Variants in PDIA4 observed in about 807,000 individuals in gnomAD.
PDIA4 encodes the protein protein disulfide isomerase family A member 4.
A neutral mutation model predicts 62.1 loss-of-function variants in PDIA4; 33 were observed. The ratio of observed to expected loss-of-function variants is 0.53; its 90% confidence interval spans 0.40 to 0.71. The LOEUF is 0.71. PDIA4 is among the 30% of genes least tolerant of loss of function. The probability of loss-of-function intolerance (pLI) is 0.00; values close to 1 mark genes in which losing one functional copy is unlikely to be tolerated. For synonymous variants in PDIA4, 341 were observed against 324.1 expected (o/e 1.05, Z -0.56); for missense variants, 804 against 813.6 (o/e 0.99, Z 0.14).
At chr7:149,004,466 C>T (rs74616250) in intron 9 of PDIA4, among the ~76,000 whole-genome samples, 3,032 of 152,368 alleles carry the variant, frequency 0.02, 102 homozygotes, top group African/African-American at 0.067. Flanking sequence ...ACAAGAGTCA[C>T]TGCCCAGGCA....
chr7:149,027,822 G>A, intron 1 of PDIA4: 1 of 471,390 alleles, frequency 2.1e-6, no homozygotes, highest in South Asian at 1.5e-5. Context: ...CAGAATCTAT[G>A]GATTAATCAT....
At chr7:149,024,563 G>T (rs537698626) in intron 1 of PDIA4, among the ~76,000 whole-genome samples, 7 of 152,060 alleles carry the variant, frequency 4.6e-5, no homozygotes, top group African/African-American at 1.7e-4. Flanking sequence ...TGTAATCCAC[G>T]TGCTCCTCTG....
chr7:149,008,371 T>A (rs1823832040), intron 6 of PDIA4, 61 bp from the exon 7 acceptor site: 1 of 1,523,410 alleles, frequency 6.6e-7, no homozygotes, highest in Non-Finnish European at 9.0e-7. Context: ...GAGATTTAAT[T>A]CGTTACCCAC....
chr7:149,017,016 C>T (rs996338444), intron 3 of PDIA4, among the ~76,000 whole-genome samples: 1 of 152,198 alleles, frequency 6.6e-6, no homozygotes, highest in African/African-American at 2.4e-5. Context: ...GAGAGCCTCT[C>T]ACACCACCTC....
rs1478718426 is a variant in PDIA4 at position 149,004,310 on chromosome 7, G to A, written c.1523-101C>T. The A allele has an allele frequency of 3.6e-6, 4 of 1,097,112 alleles. No individual in the cohort carries two copies. In the Admixed American group the frequency reaches 6.5e-5, roughly 18 times the overall value. The allele number at this position is 1,097,112 out of a possible 1,614,324, so 68.0% of individuals were successfully genotyped here. A position where few individuals can be genotyped will look rare whatever the true frequency, so the allele number is the denominator to read the frequency against. ...GGCAGTGAGGTTGGTGTGGCCACCA[G>A]ACGGGCCAGTCACACAGGAAGAGCC... On this transcript the variant is annotated intron_variant, in intron 9 of 9. Coordinates refer to ENST00000652332, the MANE Select transcript of PDIA4 (RefSeq NM_004911.5).
At chr7:149,027,380 T>C (rs1020896539) in intron 1 of PDIA4, among the ~76,000 whole-genome samples, 1 of 152,128 alleles carries the variant, frequency 6.6e-6, no homozygotes, top group Non-Finnish European at 1.5e-5. Context: ...ACGCAGAAGT[T>C]ACTCAATCTG....
At position 149,021,154 on chromosome 7, in the gene PDIA4, G is replaced by A. The variant is rs941073144; in HGVS notation, c.89-7C>T. 1 of 1,571,618 alleles carries A rather than the reference G, an allele frequency of 6.4e-7. No individual in the cohort carries two copies. The highest frequency in any genetic ancestry group is 8.6e-7 in the Non-Finnish European group (1 of 1,158,298). ...TTTTCTCTGTTAGAAGAATCTGAGTGGAAAACACCCAGACTGGTTACAAAG... is the reference window on the plus strand; with the variant it reads ...TTTTCTCTGTTAGAAGAATCTGAGTAGAAAACACCCAGACTGGTTACAAAG... On this transcript the variant is annotated splice_polypyrimidine_tract_variant and splice_region_variant and intron_variant, in intron 1 of 9. Coordinates refer to ENST00000652332, the MANE Select transcript of PDIA4 (RefSeq NM_004911.5).
intron 6 of PDIA4, among the ~76,000 whole-genome samples, chr7:149,009,551 C>A (rs933795631): frequency 1.3e-5 from 2 of 152,170 alleles, no homozygotes; most frequent in African/African-American, 4.8e-5. Flanking sequence ...GAATGAAGTT[C>A]TTTGGCTAAA....
intron 9 of PDIA4, 25 bp from the exon 10 acceptor site, chr7:149,004,234 G>A: frequency 1.3e-6 from 2 of 1,597,964 alleles, no homozygotes; most frequent in Non-Finnish European, 8.5e-7. Context: ...AAGGCGGGAG[G>A]GGGCGTCAGT....
chr7:149,013,614 GTGAACTATGATGGTGCCAC>G (rs1824026525), intron 4 of PDIA4, among the ~76,000 whole-genome samples: 1 of 152,104 alleles, frequency 6.6e-6, no homozygotes, highest in African/African-American at 2.4e-5. Flanking sequence ...TCAAGGCGTA[GTGAACTATGATGGTGCCAC>G]TGTACTCCAG....
At chr7:149,016,226 G>A (rs1824133976) in intron 3 of PDIA4, among the ~76,000 whole-genome samples, 1 of 152,162 alleles carries the variant, frequency 6.6e-6, no homozygotes, top group South Asian at 2.1e-4. Context: ...AACCCCGGAG[G>A]TGGAGGCTGT....
intron 3 of PDIA4, among the ~76,000 whole-genome samples, chr7:149,016,697 G>C (rs1000800270): frequency 3.3e-5 from 5 of 152,092 alleles, no homozygotes; most frequent in Admixed American, 6.5e-5. Context: ...ATTTTTAGTA[G>C]AGATGGGGTT....
chr7:149,004,356 G>A, intron 9 of PDIA4, 147 bp from the exon 10 acceptor site: 1 of 748,672 alleles, frequency 1.3e-6, no homozygotes, highest in East Asian at 2.5e-5. Context: ...GAAAGTAGTA[G>A]CTGCTACTCT....
At chr7:149,008,430 G>C in intron 6 of PDIA4, 120 bp from the exon 7 acceptor site, 1 of 1,007,782 alleles carries the variant, frequency 9.9e-7, no homozygotes, top group East Asian at 2.5e-5. Flanking sequence ...GCTGGGCGCG[G>C]TGGCTCACGC....
chr7:149,007,328 C>T (rs1045546236), intron 7 of PDIA4, among the ~76,000 whole-genome samples: 2 of 152,184 alleles, frequency 1.3e-5, no homozygotes, highest in Non-Finnish European at 2.9e-5. Context: ...CTCCAGGTCC[C>T]ATGAGAGCCC....
rs1455891375 is a variant in PDIA4, at chr7:149,006,018, C to T, written c.1167G>A (p.Val389=). 1 of 1,562,392 alleles carries T rather than the reference C, an allele frequency of 6.4e-7. No homozygotes were observed. The change falls in exon 8 of 10, where the codon GTG becomes GTA. Residue 389 remains valine (V), a synonymous_variant. Coordinates refer to ENST00000652332, the MANE Select transcript of PDIA4 (RefSeq NM_004911.5). ...STQDSAIKDF[V]LKYALPLVGH... is the part of the protein sequence containing the mutation. Reference sequence around the variant, plus strand: ...CAACCAGGGGCAGGGCGTACTTCAGCACGAAGTCCTTGATGGCCGAGTCCT... The same window carrying T: ...CAACCAGGGGCAGGGCGTACTTCAGTACGAAGTCCTTGATGGCCGAGTCCT...
chr7:149,027,049 C>T (rs958403862), intron 1 of PDIA4, among the ~76,000 whole-genome samples: 1 of 152,144 alleles, frequency 6.6e-6, no homozygotes, highest in Non-Finnish European at 1.5e-5. Context: ...TATGCTTTTC[C>T]GCTATGTTCC....
chr7:149,022,977 G>A (rs576434617), intron 1 of PDIA4, among the ~76,000 whole-genome samples: 2 of 152,242 alleles, frequency 1.3e-5, no homozygotes, highest in East Asian at 1.9e-4. Flanking sequence ...TCAACTTAAG[G>A]CTTAGGATCC....
chr7:149,012,058 T>C (rs1020227826), intron 5 of PDIA4, 54 bp from the exon 6 acceptor site: 92 of 1,603,266 alleles, frequency 5.7e-5, no homozygotes, highest in Non-Finnish European at 7.2e-5. Context: ...CCACTTCCCA[T>C]GGCCCATGCC....
Sources: gnomAD v4.1 joint callset for allele counts (sites outside exome capture counted in the v4.1 genomes callset) on GRCh38, gnomAD v4.1.1 for gene constraint, MANE v1.5 for transcripts, NCBI Gene and HGNC (gene_info 2026-07-23, HGNC 2026-07-21) for gene names.